The following STK39 variants were observed in gnomAD, a reference collection of about 807,000 sequenced individuals.
STK39 encodes the protein serine/threonine kinase 39.
Under a neutral mutation model 77.8 loss-of-function variants are expected in STK39, and 20 were observed. The observed-to-expected ratio is 0.26, with a 90% CI of 0.18 to 0.37. The LOEUF is 0.37. STK39 is among the 10% of genes least tolerant of loss of function. STK39 has a pLI of 1.00. For missense variants in STK39, 479 were observed against 656.5 expected (o/e 0.73, Z 2.95); for synonymous variants, 246 against 234.1 (o/e 1.05, Z -0.47).
At chr2:167,963,589 C>T (rs548475265) in intron 17 of STK39, among the ~76,000 whole-genome samples, 5 of 151,024 alleles carry the variant, frequency 3.3e-5, no homozygotes, top group Non-Finnish European at 5.9e-5. Flanking sequence ...AGGGATTTTC[C>T]TATTTGTTAA....
intron 14 of STK39, among the ~76,000 whole-genome samples, chr2:168,017,905 T>C (rs543717426): frequency 6.5e-4 from 99 of 152,316 alleles, no homozygotes; most frequent in Middle Eastern, 3.4e-3. Flanking sequence ...AAGTTTTATA[T>C]ATTCAGTGGG....
At chr2:168,246,823 C>G (rs1263423842) in intron 1 of STK39, among the ~76,000 whole-genome samples, 6 of 151,948 alleles carry the variant, frequency 3.9e-5, no homozygotes. Context: ...CAGGGCGGGG[C>G]CCCCGCAACC....
intron 14 of STK39, among the ~76,000 whole-genome samples, chr2:168,022,672 G>C (rs1329748173): frequency 6.6e-6 from 1 of 152,172 alleles, no homozygotes; most frequent in Non-Finnish European, 1.5e-5. Context: ...TCATTAGTGA[G>C]GGCAAATATA....
intron 5 of STK39, among the ~76,000 whole-genome samples, chr2:168,161,329 A>C (rs1688567914): frequency 6.6e-6 from 1 of 152,238 alleles, no homozygotes; most frequent in Admixed American, 6.5e-5. Context: ...TGTCAAGAAT[A>C]GCCATGTTGG....
chr2:168,002,046 G>A (rs1184909808), intron 16 of STK39, among the ~76,000 whole-genome samples: 1 of 152,178 alleles, frequency 6.6e-6, no homozygotes, highest in Non-Finnish European at 1.5e-5. Context: ...ATTAAAACAA[G>A]GCAATCTAAA....
chr2:168,115,282 T>C (rs1413443546), intron 10 of STK39, among the ~76,000 whole-genome samples: 1 of 152,218 alleles, frequency 6.6e-6, no homozygotes, highest in Non-Finnish European at 1.5e-5. Context: ...ATTAAGCATA[T>C]ATACGCATGC....
At chr2:168,071,238 T>G (rs889661506) in intron 12 of STK39, among the ~76,000 whole-genome samples, 2 of 152,166 alleles carry the variant, frequency 1.3e-5, no homozygotes, top group Non-Finnish European at 2.9e-5. Flanking sequence ...ATAAATACTA[T>G]ATGCCTACTC....
At chr2:168,139,063 G>T (rs1408251674) in intron 7 of STK39, among the ~76,000 whole-genome samples, 3 of 152,196 alleles carry the variant, frequency 2.0e-5, no homozygotes, top group Non-Finnish European at 2.9e-5. Context: ...TGTGTGAATA[G>T]ATGAAGCGTG....
chr2:167,956,718 TC>T lies in STK39; in HGVS notation c.1564-1149del, dbSNP rs1559032387. ...CACACTCTCTCTCTCTCTCTCTCTC[TC>T]TCTCTCTCTCCCCCCCCGCCCCCTC... On this transcript the variant is annotated intron_variant, in intron 17 of 17. Transcript: ENST00000355999. Among the ~76,000 whole-genome samples the T allele has an allele frequency of 3.0e-3, 169 of 55,936 alleles. 5 individuals carry two copies. Among genetic ancestry groups the T allele is most frequent in the East Asian group, 7.0e-3 (24 of 3,422 alleles). The allele number at this position is 55,936 out of a possible 152,430, so 36.7% of individuals were successfully genotyped here.
At chr2:168,019,062 G>T (rs1684505610) in intron 14 of STK39, among the ~76,000 whole-genome samples, 1 of 151,544 alleles carries the variant, frequency 6.6e-6, no homozygotes, top group South Asian at 2.1e-4. Flanking sequence ...CTCCCTTCAG[G>T]TTTCCCCAAC....
intron 14 of STK39, among the ~76,000 whole-genome samples, chr2:168,026,956 C>A: frequency 6.6e-6 from 1 of 152,238 alleles, no homozygotes; most frequent in Middle Eastern, 3.4e-3. Context: ...GGTCTCTACA[C>A]ACACACACAC....
intron 14 of STK39, among the ~76,000 whole-genome samples, chr2:168,047,477 A>C (rs1685274618): frequency 6.6e-6 from 1 of 152,228 alleles, no homozygotes; most frequent in African/African-American, 2.4e-5. Flanking sequence ...CAGCTTTTTG[A>C]CTGAGCTGAC....
chr2:167,984,372 T>C (rs1042550354), intron 16 of STK39, among the ~76,000 whole-genome samples: 2 of 152,126 alleles, frequency 1.3e-5, no homozygotes, highest in African/African-American at 4.8e-5. Context: ...GACACTCAAT[T>C]TACATCTTAA....
intron 16 of STK39, among the ~76,000 whole-genome samples, chr2:167,990,084 A>G (rs2105281079): frequency 6.6e-6 from 1 of 152,308 alleles, no homozygotes; most frequent in South Asian, 2.1e-4. Context: ...GACTCAACAG[A>G]TAATTCAATA....
intron 5 of STK39, among the ~76,000 whole-genome samples, chr2:168,159,753 C>T (rs3754775): frequency 0.16 from 23,980 of 152,110 alleles, 2,298 homozygotes; most frequent in African/African-American, 0.26. Flanking sequence ...TGTGTTATTA[C>T]ACAAGCATGA....
intron 1 of STK39, among the ~76,000 whole-genome samples, chr2:168,221,373 T>C (rs1048738317): frequency 4.9e-5 from 7 of 141,674 alleles, no homozygotes; most frequent in Non-Finnish European, 1.1e-4. Flanking sequence ...CACACTTACA[T>C]GTATATTCAG....
chr2:168,140,617 C>G, intron 6 of STK39, 32 bp downstream of exon 6: 2 of 1,516,860 alleles, frequency 1.3e-6, no homozygotes, highest in Non-Finnish European at 1.8e-6. Flanking sequence ...TGTACTATGT[C>G]CATCAAAAAG....
intron 5 of STK39, among the ~76,000 whole-genome samples, chr2:168,152,556 A>C (rs1263580502): frequency 6.6e-6 from 1 of 152,210 alleles, no homozygotes; most frequent in Non-Finnish European, 1.5e-5. Context: ...GTGAAACCTA[A>C]TGGCAAGAAG....
rs144922728 is a variant in STK39, at chr2:168,069,385, G to A, written c.1243-4004C>T. Among the ~76,000 whole-genome samples the A allele has an allele frequency of 6.2e-4, 94 of 152,232 alleles. 1 individual carries two copies. The East Asian group carries it at 0.016, about 26-fold the overall frequency. On this transcript the variant is annotated intron_variant, in intron 12 of 17. Transcript: ENST00000355999. ...CCTCAGAGCAAAATCCCAGAATTAG[G>A]AAACAGAAATATTTCCATAATTAGC... is the stretch of plus-strand genomic sequence containing the variant.
Sources: gnomAD v4.1 joint callset for allele counts (sites outside exome capture counted in the v4.1 genomes callset) on GRCh38, gnomAD v4.1.1 for gene constraint, MANE v1.5 for transcripts, NCBI Gene and HGNC (gene_info 2026-07-23, HGNC 2026-07-21) for gene names.